The following REPS1 variants were observed in gnomAD, a reference collection of about 807,000 sequenced individuals.
REPS1 encodes RALBP1 associated Eps domain containing 1.
A neutral mutation model predicts 100.9 loss-of-function variants in REPS1; 39 were observed. The observed-to-expected ratio is 0.39, with a 90% CI of 0.30 to 0.50. The LOEUF is 0.50. Among genes scored for constraint, REPS1 ranks in the 20% least tolerant of loss-of-function variants. The pLI, the probability that REPS1 is intolerant of heterozygous loss-of-function variation, is 0.86. For synonymous variants in REPS1, 324 were observed against 340.3 expected, an observed-to-expected ratio of 0.95 and a Z score of 0.53; for missense variants, 821 against 968.5, an observed-to-expected ratio of 0.85 and a Z score of 2.02.
chr6:138,909,341 C>A (rs1454538435), intron 17 of REPS1, among the ~76,000 whole-genome samples: 1 of 151,934 alleles, frequency 6.6e-6, no homozygotes, highest in African/African-American at 2.4e-5. Context: ...ATGAATCTGC[C>A]CTTGGCAGAA....
chr6:138,912,136 T>C (rs1780052538), intron 16 of REPS1, among the ~76,000 whole-genome samples: 1 of 152,192 alleles, frequency 6.6e-6, no homozygotes, highest in Admixed American at 6.5e-5. Context: ...AGAAAGAGAT[T>C]GCAGAATTCC....
chr6:138,926,132 A>T (rs925751661), intron 10 of REPS1, among the ~76,000 whole-genome samples: 1 of 152,236 alleles, frequency 6.6e-6, no homozygotes, highest in Non-Finnish European at 1.5e-5. Context: ...GCAAATGATA[A>T]GGTTAACAAA....
chr6:138,926,340 T>C lies in REPS1; in HGVS notation c.1338+61A>G, dbSNP rs1781123286. 5.7e-6 allele frequency: 7 copies of C among 1,223,834 alleles called. No homozygotes were observed. In the South Asian group the frequency reaches 6.4e-5, roughly 11 times the overall value. The allele number at this position is 1,223,834 out of a possible 1,614,324, so 75.8% of individuals were successfully genotyped here. On this transcript the variant is annotated intron_variant, in intron 10 of 19. Coordinates refer to ENST00000450536, the MANE Select transcript of REPS1 (RefSeq NM_001286611.2). ...CATGCATATCAGCTAAAAACGATAA[T>C]GAATGGAAATTTGGGTTAATAAAAT... is the stretch of plus-strand genomic sequence containing the variant.
At chr6:138,941,579 G>C in intron 7 of REPS1, 90 bp from the exon 8 acceptor site, 1 of 1,217,904 alleles carries the variant, frequency 8.2e-7, no homozygotes, top group Non-Finnish European at 1.2e-6. Context: ...TTTTCCATGA[G>C]AAAGTGCAAG....
rs868093829 is a variant in REPS1 at position 138,940,635 on chromosome 6, C to T, written c.1135+700G>A. ...TGGTGCGTGCCTGTAGTCCCATCTA[C>T]TTAAGGAGGCTGAGGCAGGAGAATC... is the stretch of plus-strand genomic sequence containing the variant. On this transcript the variant is annotated intron_variant, in intron 8 of 19. Transcript: ENST00000450536. Among the ~76,000 whole-genome samples, 12 of 151,660 alleles carry T rather than the reference C, an allele frequency of 7.9e-5. 1 individual carries two copies. Among genetic ancestry groups the T allele is most frequent in the Middle Eastern group, 6.8e-3 (2 of 294 alleles).
intron 7 of REPS1, among the ~76,000 whole-genome samples, chr6:138,943,267 C>T (rs1484200011): frequency 6.6e-6 from 1 of 152,106 alleles, no homozygotes; most frequent in African/African-American, 2.4e-5. Flanking sequence ...ATACATTATG[C>T]TAGCAACAAA....
Position 138,979,192 on chromosome 6 carries a change from A to C in REPS1, c.153+8338T>G, listed in dbSNP as rs1034444914. On this transcript the variant is annotated intron_variant, in intron 1 of 19. Transcript: ENST00000450536. Reference sequence around the variant, plus strand: ...CGAGAATCCATCACAAAAAAAAAAAAAAAAACAAAAAAAAAAAACTGAAGA... The same window carrying C: ...CGAGAATCCATCACAAAAAAAAAAACAAAAACAAAAAAAAAAAACTGAAGA... Among the ~76,000 whole-genome samples, 5 of 145,826 alleles carry C rather than the reference A, an allele frequency of 3.4e-5. 1 individual carries two copies. The highest frequency in any genetic ancestry group is 5.9e-5 in the Non-Finnish European group (4 of 67,268).
intron 8 of REPS1, among the ~76,000 whole-genome samples, chr6:138,939,713 A>G (rs1782101784): frequency 6.6e-6 from 1 of 152,212 alleles, no homozygotes; most frequent in African/African-American, 2.4e-5. Flanking sequence ...TGAAGTTACC[A>G]CATGTTCTTC....
chr6:138,914,905 A>G, intron 14 of REPS1, 144 bp from the exon 15 acceptor site: 1 of 688,802 alleles, frequency 1.5e-6, no homozygotes, highest in Non-Finnish European at 2.5e-6. Context: ...AACTTGTTAC[A>G]TGGTCTGTAT....
intron 10 of REPS1, among the ~76,000 whole-genome samples, chr6:138,925,622 T>G (rs1444681764): frequency 6.6e-6 from 1 of 151,740 alleles, no homozygotes; most frequent in Non-Finnish European, 1.5e-5. Context: ...ACTCCCTCTT[T>G]TCTTTTTGGA....
At chr6:138,939,933 T>G (rs1428714415) in intron 8 of REPS1, among the ~76,000 whole-genome samples, 3 of 152,156 alleles carry the variant, frequency 2.0e-5, no homozygotes, top group Admixed American at 6.5e-5. Flanking sequence ...ATGCCATATT[T>G]TTACAATCAA....
At chr6:138,956,505 A>C (rs1010926484) in intron 1 of REPS1, among the ~76,000 whole-genome samples, 11 of 151,956 alleles carry the variant, frequency 7.2e-5, no homozygotes, top group African/African-American at 2.4e-4. Flanking sequence ...GCATACCTAA[A>C]AGAATGAAAC....
At chr6:138,934,798 T>C (rs17068130) in intron 8 of REPS1, among the ~76,000 whole-genome samples, 1 of 146,062 alleles carries the variant, frequency 6.8e-6, no homozygotes, top group Non-Finnish European at 1.5e-5. Flanking sequence ...TCAATAACGA[T>C]GGTTCAATGT....
rs1210539012 is a variant in REPS1, at chr6:138,943,586, T to G, written c.917-10A>C. 6.4e-7 allele frequency: 1 copy of G among 1,556,842 alleles called. No individual in the cohort carries two copies. Among genetic ancestry groups the G allele is most frequent in the Non-Finnish European group, 8.8e-7 (1 of 1,130,592 alleles). On this transcript the variant is annotated splice_polypyrimidine_tract_variant and intron_variant, in intron 6 of 19. Transcript: ENST00000450536. The stretch of plus-strand genomic sequence containing the variant: ...TCTTTAGCTGCAGATCCTGAAATAT[T>G]AAAACAGTGTTGTTTAATGTTATTC...
intron 9 of REPS1, chr6:138,926,692 T>C (rs1005714978): frequency 3.9e-6 from 2 of 512,090 alleles, no homozygotes; most frequent in South Asian, 2.2e-5. Flanking sequence ...ATCAAAAGTA[T>C]AGTAATGATT....
chr6:138,912,826 G>C lies in REPS1; in HGVS notation c.1910C>G (p.Ala637Gly). 1 of 1,614,112 alleles carries C rather than the reference G, an allele frequency of 6.2e-7. No homozygotes were observed. The highest frequency in any genetic ancestry group is 8.5e-7 in the Non-Finnish European group (1 of 1,180,012). The change falls in exon 16 of 20, where the codon GCT (alanine) becomes GGT (glycine). Residue 637 changes from alanine to glycine, a missense_variant. Around this residue, in one of 3 missense-constraint regions of REPS1, gnomAD observed 757 missense variants for 866.4 expected, o/e 0.87. Transcript: ENST00000450536. ...TTGTTCGTCGTTTACATTTGATGCA[G>C]CAAATACTTCAAACTGACTGAAATC... ...FADFSQFEVF[A>G]ASNVNDEQDD...
At chr6:138,923,280 G>A (rs932764183) in intron 10 of REPS1, among the ~76,000 whole-genome samples, 1 of 151,876 alleles carries the variant, frequency 6.6e-6, no homozygotes, top group African/African-American at 2.4e-5. Flanking sequence ...TAACTGTTAA[G>A]AAAATCAGAA....
At chr6:138,906,366 G>A (rs557403531) in intron 19 of REPS1, among the ~76,000 whole-genome samples, 26 of 152,296 alleles carry the variant, frequency 1.7e-4, no homozygotes, top group Non-Finnish European at 3.1e-4. Context: ...ACTAGGTTTC[G>A]AGGAGAGGGA....
At chr6:138,976,473 C>A (rs144615194) in intron 1 of REPS1, among the ~76,000 whole-genome samples, 2 of 152,154 alleles carry the variant, frequency 1.3e-5, no homozygotes, top group Admixed American at 1.3e-4. Context: ...ATGATAGTGA[C>A]GGTGATTATT....
Sources: gnomAD v4.1 joint callset for allele counts (sites outside exome capture counted in the v4.1 genomes callset) on GRCh38, gnomAD v4.1.1 for gene constraint, gnomAD v4.1.1 regional missense constraint, MANE v1.5 for transcripts, NCBI Gene and HGNC (gene_info 2026-07-23, HGNC 2026-07-21) for gene names.